The following SHISA9 variants were observed in gnomAD, a reference collection of about 807,000 sequenced individuals.
SHISA9 encodes protein shisa-9.
A neutral mutation model predicts 38.0 loss-of-function variants in SHISA9; 13 were observed. The observed-to-expected ratio is 0.34, with a 90% confidence interval of 0.22 to 0.54. The LOEUF (loss-of-function observed/expected upper bound fraction) is 0.54. Ranked by LOEUF, SHISA9 falls within the 20% of genes least tolerant of loss-of-function variation. SHISA9 has a pLI of 0.91. For missense variants in SHISA9, 538 were observed against 575.8 expected (o/e 0.93, Z 0.67); for synonymous variants, 275 against 242.0 (o/e 1.14, Z -1.27).
the SHISA9 span, among the ~76,000 whole-genome samples, chr16:13,505,072 T>G: frequency 5.9e-5 from 9 of 152,214 alleles, no homozygotes; most frequent in African/African-American, 2.2e-4. Context: ...GTTGTCCATT[T>G]TTTCCTCTTT....
At chr16:12,968,980 C>A (rs944909935) in intron 2 of SHISA9, among the ~76,000 whole-genome samples, 5 of 151,794 alleles carry the variant, frequency 3.3e-5, no homozygotes, top group Non-Finnish European at 7.4e-5. Context: ...CATGGTGAAA[C>A]CCCGTCTCTA....
chr16:13,325,574 C>A, the SHISA9 span, among the ~76,000 whole-genome samples: 1 of 152,118 alleles, frequency 6.6e-6, no homozygotes, highest in Non-Finnish European at 1.5e-5. Context: ...GCAGTTATGC[C>A]GACTGAGAAG....
intron 2 of SHISA9, among the ~76,000 whole-genome samples, chr16:13,033,087 G>A (rs1171929198): frequency 6.6e-6 from 1 of 152,174 alleles, no homozygotes; most frequent in Non-Finnish European, 1.5e-5. Context: ...ACAGCTTCAA[G>A]TCTAGTAGAA....
At chr16:13,344,392 G>A in the SHISA9 span, among the ~76,000 whole-genome samples, 1 of 152,150 alleles carries the variant, frequency 6.6e-6, no homozygotes, top group African/African-American at 2.4e-5. Flanking sequence ...ATGGTTCCAA[G>A]TGCTGCAAAC....
At chr16:13,150,030 T>TAA (rs35012437) in intron 2 of SHISA9, among the ~76,000 whole-genome samples, 1,619 of 67,608 alleles carry the variant, frequency 0.024, 48 homozygotes, top group Middle Eastern at 0.057. Flanking sequence ...TCCTCATCAT[T>TAA]AAAAAAAAAA....
the SHISA9 span, among the ~76,000 whole-genome samples, chr16:13,250,022 C>T: frequency 6.6e-6 from 1 of 152,200 alleles, no homozygotes; most frequent in Admixed American, 6.5e-5. Context: ...GTGTGTGCCA[C>T]CACACCTGGC....
the SHISA9 span, among the ~76,000 whole-genome samples, chr16:13,428,606 A>C: frequency 6.6e-6 from 1 of 152,210 alleles, no homozygotes; most frequent in Non-Finnish European, 1.5e-5. Flanking sequence ...CACACTAAGA[A>C]GAAACTTAGA....
At chr16:13,554,774 A>T in the SHISA9 span, among the ~76,000 whole-genome samples, 4 of 152,096 alleles carry the variant, frequency 2.6e-5, no homozygotes, top group African/African-American at 7.2e-5. Flanking sequence ...TGCCCAGTTC[A>T]TTTGTTTTCT....
At chr16:13,074,941 G>C (rs1271952566) in intron 2 of SHISA9, among the ~76,000 whole-genome samples, 1 of 152,166 alleles carries the variant, frequency 6.6e-6, no homozygotes, top group South Asian at 2.1e-4. Flanking sequence ...TGGGATTACC[G>C]GTGTGAGCCA....
chr16:13,194,254 T>C (rs13334670), intron 2 of SHISA9, among the ~76,000 whole-genome samples: 21,027 of 152,162 alleles, frequency 0.14, 1,649 homozygotes, highest in Middle Eastern at 0.18. Context: ...CAAAGACAAA[T>C]GTCTTCCAAA....
intron 2 of SHISA9, among the ~76,000 whole-genome samples, chr16:13,198,532 A>G (rs1020892757): frequency 6.6e-6 from 1 of 151,940 alleles, no homozygotes; most frequent in African/African-American, 2.4e-5. Flanking sequence ...CACTCACCCT[A>G]TTGTTCTAGT....
At chr16:13,104,681 C>A (rs1037079990) in intron 2 of SHISA9, among the ~76,000 whole-genome samples, 11 of 151,762 alleles carry the variant, frequency 7.2e-5, no homozygotes, top group African/African-American at 2.4e-4. Context: ...TAGTGGTTGC[C>A]TGGGCTGGGG....
At chr16:13,013,787 G>A (rs1015932552) in intron 2 of SHISA9, among the ~76,000 whole-genome samples, 5 of 152,070 alleles carry the variant, frequency 3.3e-5, no homozygotes, top group Admixed American at 3.3e-4. Context: ...GAGTGCAGTG[G>A]CGAGATCTCA....
chr16:12,927,161 T>C (rs1238590048), intron 2 of SHISA9, among the ~76,000 whole-genome samples: 1 of 152,186 alleles, frequency 6.6e-6, no homozygotes, highest in Admixed American at 6.5e-5. Context: ...AAATAATTTA[T>C]AATAAGGTTT....
At chr16:13,130,040 A>G (rs549715093) in intron 2 of SHISA9, among the ~76,000 whole-genome samples, 1 of 152,142 alleles carries the variant, frequency 6.6e-6, no homozygotes, top group East Asian at 1.9e-4. Context: ...GACCCTCACA[A>G]TTTTCAAAGA....
intron 2 of SHISA9, among the ~76,000 whole-genome samples, chr16:13,165,534 C>A (rs1414265784): frequency 6.6e-6 from 1 of 152,140 alleles, no homozygotes; most frequent in Non-Finnish European, 1.5e-5. Flanking sequence ...TTGGCAACAG[C>A]CATGGAAGTG....
intron 2 of SHISA9, among the ~76,000 whole-genome samples, chr16:13,141,769 C>T (rs1434021557): frequency 6.6e-6 from 1 of 152,070 alleles, no homozygotes; most frequent in Non-Finnish European, 1.5e-5. Context: ...CCTCCTTGCC[C>T]TCGTTTGTCA....
At chr16:13,414,650 C>CTTTTTTT in the SHISA9 span, among the ~76,000 whole-genome samples, 2 of 143,214 alleles carry the variant, frequency 1.4e-5, no homozygotes, top group South Asian at 4.3e-4. Context: ...TTCTTTCTTT[C>CTTTTTTT]TTTTTTTTTT....
rs1240339858 is a variant in SHISA9 at position 13,072,094 on chromosome 16, G to C, written c.692-131300G>C. On this transcript the variant is annotated intron_variant, in intron 2 of 4. Coordinates refer to ENST00000558583, the MANE Select transcript of SHISA9 (RefSeq NM_001145204.3). ...AAATGATTCCCTGCCCCTGGTTCCA[G>C]CTCAGTCGCTTTGGAAGGCTTCAGT... Among the ~76,000 whole-genome samples, 4 of 152,336 alleles carry C rather than the reference G, an allele frequency of 2.6e-5. No homozygotes were observed. The South Asian group carries it at 6.2e-4, about 24-fold the overall frequency.
Sources: gnomAD v4.1 joint callset for allele counts (sites outside exome capture counted in the v4.1 genomes callset) on GRCh38, gnomAD v4.1.1 for gene constraint, MANE v1.5 for transcripts, NCBI Gene and HGNC (gene_info 2026-07-23, HGNC 2026-07-21) for gene names.